USP33: variants seen among roughly 807,000 people sequenced by gnomAD.
USP33 encodes the protein ubiquitin specific peptidase 33, also known as ubiquitin carboxyl-terminal hydrolase 33.
In USP33, 46 loss-of-function variants were observed where a neutral mutation model predicts 124.2. That is an observed-to-expected ratio of 0.37 (90% CI 0.29 to 0.47). The LOEUF (loss-of-function observed/expected upper bound fraction) is 0.47, where lower values mean the gene tolerates loss of function less well. Ranked by LOEUF, USP33 falls within the 20% of genes least tolerant of loss-of-function variation. The pLI is 0.99. For missense variants in USP33, 851 were observed against 1,070.6 expected (o/e 0.79, Z 2.86); for synonymous variants, 350 against 352.3 (o/e 0.99, Z 0.07).
intron 1 of USP33, chr1:77,759,284 G>A: frequency 3.6e-6 from 1 of 277,212 alleles, no homozygotes; most frequent in East Asian, 6.0e-5. Flanking sequence ...CCCACTGAGA[G>A]GGACTGGCAA....
chr1:77,731,638 A>C (rs1468375828), intron 7 of USP33, among the ~76,000 whole-genome samples: 1 of 151,960 alleles, frequency 6.6e-6, no homozygotes, highest in Non-Finnish European at 1.5e-5. Flanking sequence ...TAGCCTCCCA[A>C]AGTGCTACAG....
At chr1:77,739,500 A>G in intron 4 of USP33, 83 bp from the exon 5 acceptor site, 2 of 1,364,808 alleles carry the variant, frequency 1.5e-6, no homozygotes, top group Non-Finnish European at 1.9e-6. Context: ...AACAGAAGAT[A>G]AACTGCTTGC....
chr1:77,700,064 G>A (rs1008244726), intron 22 of USP33, among the ~76,000 whole-genome samples: 1 of 151,682 alleles, frequency 6.6e-6, no homozygotes, highest in African/African-American at 2.4e-5. Context: ...TGAGGGGTGG[G>A]AGAACAACAG....
chr1:77,758,354 G>T (rs535596137), intron 1 of USP33, among the ~76,000 whole-genome samples: 1 of 151,752 alleles, frequency 6.6e-6, no homozygotes, highest in African/African-American at 2.4e-5. Flanking sequence ...CTAATTTTTT[G>T]TAATTTTTAG....
At chr1:77,749,388 T>G (rs557625175) in intron 1 of USP33, among the ~76,000 whole-genome samples, 3 of 127,054 alleles carry the variant, frequency 2.4e-5, no homozygotes, top group South Asian at 2.2e-4. Context: ...GTTTTGTTTG[T>G]TTTTTTTTTT....
chr1:77,740,570 G>A (rs988452411), intron 4 of USP33, among the ~76,000 whole-genome samples: 8 of 152,266 alleles, frequency 5.3e-5, no homozygotes, highest in African/African-American at 1.7e-4. Context: ...TGGCCAGGCT[G>A]GTCTCGAACT....
intron 21 of USP33, among the ~76,000 whole-genome samples, chr1:77,706,644 T>C (rs1674663161): frequency 6.6e-6 from 1 of 152,236 alleles, no homozygotes; most frequent in Non-Finnish European, 1.5e-5. Context: ...TAAAATTCAC[T>C]GATCTTACCA....
At position 77,722,164 on chromosome 1, in the gene USP33, C is replaced by G. The variant is rs1676634554; in HGVS notation, c.1422G>C (p.Leu474=). 3 of 1,613,604 alleles carry G rather than the reference C, an allele frequency of 1.9e-6. No homozygotes were observed. Among genetic ancestry groups the G allele is most frequent in the Non-Finnish European group, 2.5e-6 (3 of 1,179,798 alleles). The change falls in exon 13 of 24, where the codon CTG becomes CTC. Residue 474 remains leucine (L), a synonymous_variant. Coordinates refer to ENST00000370794, the MANE Select transcript of USP33 (RefSeq NM_201624.3). ...CTTCCTTGCCAGGAATTGGCAAGGACAGATCTTGAAAGGTCTCGAGGGTTA... is the reference window on the plus strand; with the variant it reads ...CTTCCTTGCCAGGAATTGGCAAGGAGAGATCTTGAAAGGTCTCGAGGGTTA... The part of the protein sequence containing the change: ...VSVTLETFQD[L]SLPIPGKEDL...
Position 77,697,337 on chromosome 1 carries a change from C to T in USP33, c.2716G>A (p.Val906Ile). Residue 906 changes from valine (V) to isoleucine (I), a missense_variant, in exon 24 of 24, where the codon GTA becomes ATA. By Grantham distance (29) the Val-to-Ile change is conservative (BLOSUM62 3). This residue lies in a region of USP33 where 142 missense variants were observed against 141.8 expected (regional missense o/e 1.00). Coordinates refer to ENST00000370794, the MANE Select transcript of USP33 (RefSeq NM_201624.3). Reference sequence around the variant, plus strand: ...AAAAATTACAAAGACCGAGTTTCTACTTCAATTTTTTCTTCTGCTTGAAGT... The same window carrying T: ...AAAAATTACAAAGACCGAGTTTCTATTTCAATTTTTTCTTCTGCTTGAAGT... ...DILQAEEKIE[V>I]ETRSL 2 of 1,600,848 alleles carry T rather than the reference C, an allele frequency of 1.2e-6. No individual in the cohort carries two copies. Among genetic ancestry groups the T allele is most frequent in the South Asian group, 1.1e-5 (1 of 87,786 alleles).
In USP33 at chr1:77,728,511, A is replaced by G. The variant is rs1439683158; in HGVS notation, c.919T>C (p.Cys307Arg). Residue 307 changes from cysteine to arginine, a missense_variant, in exon 10 of 24, where the codon TGC (cysteine) becomes CGC (arginine). By Grantham distance (180) the Cys-to-Arg change is radical. Transcript: ENST00000370794. ...DRAENENGSR[C>R]FSEDNNETTM... ...GTTTCATTATTATCTTCAGAAAAGC[A>G]TCTAGAGCCATTTTCATTTTCTGCT... is the stretch of plus-strand genomic sequence containing the variant. 1 of 1,614,144 alleles carries G rather than the reference A, an allele frequency of 6.2e-7. No individual in the cohort carries two copies. The highest frequency in any genetic ancestry group is 1.7e-5 in the Admixed American group (1 of 60,030).
intron 17 of USP33, among the ~76,000 whole-genome samples, chr1:77,716,488 T>G (rs1675917293): frequency 6.6e-6 from 1 of 152,198 alleles, no homozygotes; most frequent in Admixed American, 6.5e-5. Flanking sequence ...TGTAAACAGT[T>G]GCAGACAGCA....
At position 77,725,613 on chromosome 1, in the gene USP33, A is replaced by C; in HGVS notation, c.1276+9T>G. The C allele has an allele frequency of 6.2e-7, 1 of 1,613,618 alleles. No individual in the cohort carries two copies. Among genetic ancestry groups the C allele is most frequent in the African/African-American group, 1.3e-5 (1 of 75,038 alleles). The stretch of plus-strand genomic sequence containing the variant: ...AAGCAAAAGAGACTGAATAAGAGAA[A>C]CGTTTTACCTTTTTTGTGTGGTGGT... On this transcript the variant is annotated intron_variant, in intron 11 of 23. Coordinates refer to ENST00000370794, the MANE Select transcript of USP33 (RefSeq NM_201624.3).
At chr1:77,749,612 C>A (rs1222376457) in intron 1 of USP33, among the ~76,000 whole-genome samples, 5 of 152,088 alleles carry the variant, frequency 3.3e-5, no homozygotes, top group Non-Finnish European at 7.4e-5. Context: ...AAACTCCTGA[C>A]CTCAGGTGAT....
At chr1:77,709,148 T>C (rs1224056075) in intron 21 of USP33, among the ~76,000 whole-genome samples, 2 of 152,320 alleles carry the variant, frequency 1.3e-5, no homozygotes, top group African/African-American at 2.4e-5. Flanking sequence ...CATTTATTCA[T>C]TTATTTATTT....
chr1:77,704,278 C>G (rs906242350), intron 21 of USP33, among the ~76,000 whole-genome samples: 18 of 152,148 alleles, frequency 1.2e-4, no homozygotes, highest in African/African-American at 3.6e-4. Flanking sequence ...ATATTTGTCT[C>G]AAGGCATGGA....
chr1:77,722,306 AC>A (rs1324855513), intron 12 of USP33, 110 bp from the exon 13 acceptor site: 18 of 1,092,610 alleles, frequency 1.6e-5, no homozygotes, highest in East Asian at 2.5e-5. Flanking sequence ...AGCAAAAAAA[AC>A]AAAAAACAAA....
intron 21 of USP33, among the ~76,000 whole-genome samples, chr1:77,703,155 G>A (rs1236291772): frequency 2.6e-5 from 4 of 152,050 alleles, no homozygotes; most frequent in Non-Finnish European, 5.9e-5. Context: ...ATTTTTCACT[G>A]GTGATCATAC....
At chr1:77,734,927 T>A (rs1029855673) in intron 6 of USP33, among the ~76,000 whole-genome samples, 1 of 151,920 alleles carries the variant, frequency 6.6e-6, no homozygotes, top group African/African-American at 2.4e-5. Context: ...ATCGAGACCA[T>A]CCTGGCTAAC....
In USP33 at chr1:77,739,274, G is replaced by C; in HGVS notation, c.342C>G (p.Asn114Lys). The change falls in exon 5 of 24, where the codon AAC becomes AAG. Residue 114 changes from asparagine to lysine, a missense_variant. Physicochemically the swap from Asn to Lys is moderately conservative, Grantham distance 94. Coordinates refer to ENST00000370794, the MANE Select transcript of USP33 (RefSeq NM_201624.3). Reference protein sequence around the residue: ...HVRQPHQIQENSVQDFKIPSN... With the variant: ...HVRQPHQIQEKSVQDFKIPSN... ...GGATCTAGATTATTACCTGGACACT[G>C]TTTTCTTGTATTTGGTGAGGTTGTC... is the stretch of plus-strand genomic sequence containing the variant. 6.2e-7 allele frequency: 1 copy of C among 1,612,072 alleles called. No individual in the cohort carries two copies. Among genetic ancestry groups the C allele is most frequent in the Non-Finnish European group, 8.5e-7 (1 of 1,179,356 alleles).
Sources: allele counts gnomAD v4.1 joint callset (sites outside exome capture counted in the v4.1 genomes callset), GRCh38; gene constraint gnomAD v4.1.1; regional missense constraint gnomAD v4.1.1; transcripts MANE v1.5; gene names NCBI Gene and HGNC (gene_info 2026-07-23, HGNC 2026-07-21).